RAVER2: variants seen among roughly 807,000 people sequenced by gnomAD.
The protein encoded by RAVER2 is ribonucleoprotein, PTB binding 2.
In RAVER2, 46 loss-of-function variants were observed where a neutral mutation model predicts 78.1. The ratio of observed to expected loss-of-function variants is 0.59; its 90% CI spans 0.46 to 0.75. The LOEUF is 0.75. RAVER2 is among the 30% of genes least tolerant of loss of function. The pLI is 0.00. For missense variants in RAVER2, 793 were observed against 837.5 expected, an observed-to-expected ratio of 0.95 and a Z score of 0.66; for synonymous variants, 311 against 313.3, an observed-to-expected ratio of 0.99 and a Z score of 0.08.
At chr1:64,797,715 A>G (rs1315038931) in intron 5 of RAVER2, among the ~76,000 whole-genome samples, 2 of 152,022 alleles carry the variant, frequency 1.3e-5, no homozygotes, top group African/African-American at 4.8e-5. Flanking sequence ...GATTTTTTTG[A>G]TATTAAAGTA....
intron 4 of RAVER2, among the ~76,000 whole-genome samples, chr1:64,787,500 T>C (rs957016618): frequency 6.6e-6 from 1 of 152,180 alleles, no homozygotes; most frequent in Non-Finnish European, 1.5e-5. Context: ...AGAGAGCCTC[T>C]CTTCATTTCC....
At chr1:64,812,809 C>T (rs200354772) in exon 10 of RAVER2, 3 of 1,612,226 alleles carry the variant, frequency 1.9e-6, no homozygotes, top group Non-Finnish European at 2.5e-6. Flanking sequence ...AAAATCCATA[C>T]TTGAATTTGG....
chr1:64,755,118 A>G (rs1243148023), intron 1 of RAVER2, among the ~76,000 whole-genome samples: 2 of 152,210 alleles, frequency 1.3e-5, no homozygotes, highest in African/African-American at 4.8e-5. Flanking sequence ...CCTCCTTAAC[A>G]TTTATTAAAA....
At chr1:64,805,061 C>T (rs1452910311) in exon 8 of RAVER2, 1 of 1,613,766 alleles carries the variant, frequency 6.2e-7, no homozygotes, top group African/African-American at 1.3e-5. Context: ...TCAGTGCTTC[C>T]ATTGAAAAAG....
At chr1:64,824,155 C>T (rs567766201) in intron 11 of RAVER2, among the ~76,000 whole-genome samples, 1 of 152,306 alleles carries the variant, frequency 6.6e-6, no homozygotes, top group South Asian at 2.1e-4. Flanking sequence ...AGTTGTCCAG[C>T]ATGCAGCACA....
At chr1:64,807,039 A>G (rs996035375) in intron 8 of RAVER2, among the ~76,000 whole-genome samples, 167 bp from the exon 9 acceptor site, 1 of 152,158 alleles carries the variant, frequency 6.6e-6, no homozygotes, top group Non-Finnish European at 1.5e-5. Flanking sequence ...TGTTTTTTTC[A>G]TAAAGGAACC....
chr1:64,813,234 C>T (rs915390486), intron 10 of RAVER2, among the ~76,000 whole-genome samples: 6 of 152,268 alleles, frequency 3.9e-5, no homozygotes, highest in African/African-American at 1.2e-4. Context: ...ATTCAAATAT[C>T]GTTTTAAGAG....
At chr1:64,768,547 C>A in intron 1 of RAVER2, 109 bp from the exon 2 acceptor site, 1 of 687,390 alleles carries the variant, frequency 1.5e-6, no homozygotes, top group Non-Finnish European at 2.6e-6. Context: ...TTTTTTTTTA[C>A]ATGGGACATG....
exon 6 of RAVER2, chr1:64,803,001 G>C (rs1391053147): frequency 6.2e-7 from 1 of 1,609,418 alleles, no homozygotes; most frequent in Non-Finnish European, 8.5e-7. Flanking sequence ...CTCACAGCTT[G>C]CCACATCTGA....
intron 5 of RAVER2, among the ~76,000 whole-genome samples, chr1:64,802,187 C>T (rs1653286022): frequency 6.6e-6 from 1 of 152,194 alleles, no homozygotes; most frequent in African/African-American, 2.4e-5. Context: ...TAGCCGGCTT[C>T]TTTATTGCAC....
At chr1:64,763,172 C>T (rs1652070413) in intron 1 of RAVER2, among the ~76,000 whole-genome samples, 1 of 152,084 alleles carries the variant, frequency 6.6e-6, no homozygotes, top group African/African-American at 2.4e-5. Flanking sequence ...TGGCTGGCGC[C>T]TGTAGTCCCA....
Position 64,745,121 on chromosome 1 carries a change from C to A in RAVER2, c.-52C>A. 9.8e-7 allele frequency: 1 copy of A among 1,018,162 alleles called. No homozygotes were observed. Among genetic ancestry groups the A allele is most frequent in the African/African-American group, 1.7e-5 (1 of 57,786 alleles). The allele number at this position is 1,018,162 out of a possible 1,614,324, so 63.1% of individuals were successfully genotyped here. On this transcript the variant is annotated 5_prime_UTR_variant, in exon 1 of 12. Coordinates refer to ENST00000294428, the Ensembl canonical transcript of RAVER2. The surrounding 1 kb of genome is among the most constrained non-coding windows in gnomAD (Gnocchi z 4.3). ...CCGGGCCTCCTCCCGCTTTCTCTCT[C>A]CGCTTCCCCTGGAGCCTCCGAGGAG... is the stretch of plus-strand genomic sequence containing the variant.
At chr1:64,819,360 A>G (rs1029298843) in intron 11 of RAVER2, among the ~76,000 whole-genome samples, 1 of 152,132 alleles carries the variant, frequency 6.6e-6, no homozygotes, top group Non-Finnish European at 1.5e-5. Context: ...AATACACTAG[A>G]TGGGCATAGC....
In RAVER2 at chr1:64,745,241, G is replaced by A; in HGVS notation, c.69G>A (p.Gly23=). Reference sequence around the variant, plus strand: ...GCCTGGGCAGCGCGGCGGGGCTGGGGCCGGGGCCGGGGCTGCGCGGGCAGG... The same window carrying A: ...GCCTGGGCAGCGCGGCGGGGCTGGGACCGGGGCCGGGGCTGCGCGGGCAGG... Residue 23 remains glycine (G), a synonymous_variant, in exon 1 of 12, where the codon GGG becomes GGA. Transcript: ENST00000294428. The surrounding 1 kb of genome is among the most constrained non-coding windows in gnomAD (Gnocchi z 4.3). 1 of 1,143,118 alleles carries A rather than the reference G, an allele frequency of 8.7e-7. No homozygotes were observed. Among genetic ancestry groups the A allele is most frequent in the Non-Finnish European group, 1.1e-6 (1 of 927,284 alleles). The allele number at this position is 1,143,118 out of a possible 1,614,324, so 70.8% of individuals were successfully genotyped here.
At chr1:64,826,929 A>G (rs1654017234) in intron 11 of RAVER2, among the ~76,000 whole-genome samples, 2 of 152,068 alleles carry the variant, frequency 1.3e-5, no homozygotes, top group Admixed American at 6.6e-5. Flanking sequence ...TGAATTTGTT[A>G]TTGATTGAGA....
At chr1:64,782,051 A>G (rs1652645797) in intron 4 of RAVER2, among the ~76,000 whole-genome samples, 1 of 152,104 alleles carries the variant, frequency 6.6e-6, no homozygotes, top group Non-Finnish European at 1.5e-5. Flanking sequence ...CTACAGGCAC[A>G]TGCCACCATG....
At chr1:64,750,445 A>G (rs1418363669) in intron 1 of RAVER2, among the ~76,000 whole-genome samples, 1 of 151,754 alleles carries the variant, frequency 6.6e-6, no homozygotes, top group African/African-American at 2.4e-5. Context: ...AGAAGTTGGG[A>G]CCATAGGCAT....
chr1:64,781,929 A>G lies in RAVER2; in HGVS notation c.978+358A>G, dbSNP rs563579369. ...TCTTTTTTTTTAAATTTTGAAATGG[A>G]GTTTCACTCTTTCACCCAGGCTGGA... On this transcript the variant is annotated intron_variant, in intron 4 of 11. Coordinates refer to ENST00000294428, the Ensembl canonical transcript of RAVER2. 3.3e-5 allele frequency among the ~76,000 whole-genome samples: 5 copies of G among 151,902 alleles called. No homozygotes were observed. The East Asian group carries it at 9.7e-4, about 29-fold the overall frequency.
Position 64,778,110 on chromosome 1 carries a change from AT to A in RAVER2, c.786+20del. 1 of 1,524,758 alleles carries A rather than the reference AT, an allele frequency of 6.6e-7. No homozygotes were observed. The highest frequency in any genetic ancestry group is 1.2e-5 in the South Asian group (1 of 81,446). 94.5% of individuals were successfully genotyped at this position (1,524,758 alleles called of 1,614,324 possible). On this transcript the variant is annotated intron_variant, in intron 3 of 11. Transcript: ENST00000294428. ...TTTGCCAGGTATGTATTTTTAAGAG[AT>A]TATTGAAATATTTTAAAATATATAC...
Sources: gnomAD v4.1 joint callset for allele counts (sites outside exome capture counted in the v4.1 genomes callset) on GRCh38, gnomAD v4.1.1 for gene constraint, Gnocchi (gnomAD v3.1) non-coding constraint, MANE v1.5 for transcripts, NCBI Gene and HGNC (gene_info 2026-07-23, HGNC 2026-07-21) for gene names.